Variants in NEBL observed in about 807,000 individuals in gnomAD.
NEBL encodes LIM and SH3 protein 2.
A neutral mutation model predicts 140.2 loss-of-function variants in NEBL; 122 were observed. That is an observed-to-expected ratio of 0.87 (90% CI 0.75 to 1.01). NEBL has a LOEUF of 1.01. NEBL is among the 50% of genes least tolerant of loss of function. NEBL has a pLI of 0.00. For missense variants in NEBL, 1,365 were observed against 1,231.3 expected (o/e 1.11, Z -1.62); for synonymous variants, 436 against 398.9 (o/e 1.09, Z -1.11).
At chr10:21,272,118 ATTTTTTT>A (rs10678454) in intron 1 of NEBL, among the ~76,000 whole-genome samples, 5 of 79,096 alleles carry the variant, frequency 6.3e-5, no homozygotes, top group South Asian at 5.0e-4. Context: ...CACTTGGTTA[ATTTTTTT>A]TTTTTTTTTT....
chr10:20,951,801 T>C (rs1431646188), intron 4 of NEBL, among the ~76,000 whole-genome samples: 1 of 152,214 alleles, frequency 6.6e-6, no homozygotes, highest in Non-Finnish European at 1.5e-5. Flanking sequence ...CTACTCACTG[T>C]GGCTATGTCC....
chr10:20,791,584 A>T (rs779120095), intron 26 of NEBL, among the ~76,000 whole-genome samples: 12 of 151,696 alleles, frequency 7.9e-5, no homozygotes, highest in Non-Finnish European at 1.2e-4. Context: ...CCCTACAGAC[A>T]GGATCTTGCT....
chr10:21,072,032 G>A (rs573996006), intron 2 of NEBL, among the ~76,000 whole-genome samples: 29 of 152,162 alleles, frequency 1.9e-4, no homozygotes, highest in Admixed American at 1.8e-3. Context: ...TGGCCAGGCT[G>A]GTCTTTAACT....
chr10:20,980,659 G>A (rs558905196), intron 3 of NEBL, among the ~76,000 whole-genome samples: 79 of 152,224 alleles, frequency 5.2e-4, no homozygotes, highest in Non-Finnish European at 1.0e-3. Context: ...CCAGTGTGAA[G>A]GCAAAGATCC....
intron 1 of NEBL, among the ~76,000 whole-genome samples, chr10:21,291,647 G>A (rs1395806777): frequency 6.6e-6 from 1 of 152,062 alleles, no homozygotes; most frequent in African/African-American, 2.4e-5. Context: ...AGGCGCAGTG[G>A]CTCACACCTG....
intron 3 of NEBL, among the ~76,000 whole-genome samples, chr10:21,188,035 A>G (rs980333693): frequency 9.2e-5 from 14 of 152,072 alleles, no homozygotes; most frequent in African/African-American, 3.4e-4. Context: ...CATCAATTAC[A>G]GTTAAGGTTT....
At chr10:21,117,261 T>C (rs895737022) in intron 2 of NEBL, among the ~76,000 whole-genome samples, 1 of 151,844 alleles carries the variant, frequency 6.6e-6, no homozygotes, top group Non-Finnish European at 1.5e-5. Flanking sequence ...AAACAAACTA[T>C]TGAGCTCCTG....
At chr10:20,793,467 A>G (rs937655737) in intron 26 of NEBL, 18 of 387,320 alleles carry the variant, frequency 4.6e-5, no homozygotes, top group Non-Finnish European at 6.3e-5. Flanking sequence ...TATGACGTTC[A>G]GGTCCCCCAC....
chr10:21,189,762 T>C (rs1196203503), intron 3 of NEBL, among the ~76,000 whole-genome samples: 4 of 152,204 alleles, frequency 2.6e-5, no homozygotes, highest in Non-Finnish European at 5.9e-5. Flanking sequence ...CCACCGCGCC[T>C]GGCCCAGCCT....
At chr10:21,256,690 G>A (rs1842663784) in intron 1 of NEBL, among the ~76,000 whole-genome samples, 1 of 152,010 alleles carries the variant, frequency 6.6e-6, no homozygotes, top group Non-Finnish European at 1.5e-5. Flanking sequence ...TATTATCTGG[G>A]TACAGTGGGT....
At chr10:20,870,673 A>T (rs1299825884) in intron 5 of NEBL, among the ~76,000 whole-genome samples, 6 of 152,226 alleles carry the variant, frequency 3.9e-5, no homozygotes, top group African/African-American at 1.4e-4. Flanking sequence ...GCCCATGCCT[A>T]GGAGATCTAA....
At chr10:21,216,560 C>G (rs1191404312) in intron 3 of NEBL, among the ~76,000 whole-genome samples, 1 of 152,058 alleles carries the variant, frequency 6.6e-6, no homozygotes, top group Non-Finnish European at 1.5e-5. Flanking sequence ...ATCATGAGGT[C>G]AGGAGTTCGA....
intron 5 of NEBL, 90 bp downstream of exon 5, chr10:20,880,704 G>T: frequency 1.0e-6 from 1 of 952,420 alleles, no homozygotes; most frequent in Non-Finnish European, 1.7e-6. Context: ...CAGGGCTGTT[G>T]TAATGTTTAA....
chr10:20,986,039 C>G (rs1837244916), intron 3 of NEBL, among the ~76,000 whole-genome samples: 1 of 152,180 alleles, frequency 6.6e-6, no homozygotes, highest in Admixed American at 6.5e-5. Context: ...GGACGCTGCT[C>G]TACAAGGCAG....
chr10:20,854,223 T>C (rs1471535644), intron 9 of NEBL, among the ~76,000 whole-genome samples: 1 of 152,022 alleles, frequency 6.6e-6, no homozygotes, highest in Non-Finnish European at 1.5e-5. Flanking sequence ...CCAGTAAAAA[T>C]GGCAATAGAG....
Position 20,857,422 on chromosome 10 carries a change from C to A in NEBL, c.903+818G>T, listed in dbSNP as rs576550566. On this transcript the variant is annotated intron_variant, in intron 9 of 27. Coordinates refer to ENST00000377122, the MANE Select transcript of NEBL (RefSeq NM_006393.3). ...CCCAACATATATTTCTGCATCTAAT[C>A]TATGCCTGGCCCAAAGCAGATATTC... 3.9e-5 allele frequency among the ~76,000 whole-genome samples: 6 copies of A among 152,266 alleles called. No homozygotes were observed. The East Asian group carries it at 5.8e-4, about 15-fold the overall frequency.
At chr10:21,208,858 G>C (rs939769092) in intron 3 of NEBL, among the ~76,000 whole-genome samples, 11 of 152,208 alleles carry the variant, frequency 7.2e-5, no homozygotes, top group Non-Finnish European at 1.3e-4. Context: ...AAACAGAACA[G>C]TTTGGTAAAC....
intron 26 of NEBL, among the ~76,000 whole-genome samples, chr10:20,803,758 C>G (rs1837344013): frequency 6.7e-6 from 1 of 149,488 alleles, no homozygotes; most frequent in South Asian, 2.1e-4. Context: ...AAAGGGGACC[C>G]TAAATTTCAA....
At chr10:20,940,639 CACA>C (rs1834801409) in intron 4 of NEBL, among the ~76,000 whole-genome samples, 2 of 136,188 alleles carry the variant, frequency 1.5e-5, no homozygotes, top group Admixed American at 7.7e-5. Context: ...AATCAATGAA[CACA>C]AGGAGCTGGT....
Sources: gnomAD v4.1 joint callset for allele counts (sites outside exome capture counted in the v4.1 genomes callset) on GRCh38, gnomAD v4.1.1 for gene constraint, MANE v1.5 for transcripts, NCBI Gene and HGNC (gene_info 2026-07-23, HGNC 2026-07-21) for gene names.